The following SEPTIN9 variants were observed in gnomAD, a reference collection of about 807,000 sequenced individuals.
The protein encoded by SEPTIN9 is septin 9, also known as septin-9.
SEPTIN9 carries 13 observed loss-of-function variants against 56.6 expected under a neutral mutation model. The observed-to-expected ratio is 0.23, with a 90% CI of 0.15 to 0.37. The LOEUF is 0.37. SEPTIN9 is among the 10% of genes least tolerant of loss of function. SEPTIN9 has a pLI of 1.00. For missense variants in SEPTIN9, 650 were observed against 823.1 expected, an observed-to-expected ratio of 0.79 and a Z score of 2.57; for synonymous variants, 332 against 334.1, an observed-to-expected ratio of 0.99 and a Z score of 0.07.
At position 77,498,526 on chromosome 17, in the gene SEPTIN9, G is replaced by T. The variant is rs373382274; in HGVS notation, c.1629G>T (p.Thr543=). 1.4e-6 allele frequency: 2 copies of T among 1,442,946 alleles called. No homozygotes were observed. Among genetic ancestry groups the T allele is most frequent in the Non-Finnish European group, 1.9e-6 (2 of 1,069,204 alleles). 89.4% of individuals were successfully genotyped at this position (1,442,946 alleles called of 1,614,324 possible). The part of the protein sequence containing the change: ...FAYLRDLLIR[T]HMQNIKDITS... ...CGCCCGCCCCCCACCCCCACAGGAC[G>T]CACATGCAGAACATCAAGGACATCA... The change falls in exon 12 of 12, where the codon ACG becomes ACT. Residue 543 remains threonine (T), a synonymous_variant. Transcript: ENST00000427177.
intron 6 of SEPTIN9, 58 bp from the exon 7 acceptor site, chr17:77,488,669 G>A (rs981902349): frequency 2.5e-6 from 4 of 1,608,762 alleles, no homozygotes; most frequent in Admixed American, 3.3e-5. Context: ...GGGAATGCAC[G>A]ACCTGCTTGG....
In SEPTIN9 at chr17:77,500,423, T is replaced by TG; in HGVS notation, c.*1766dup. ...GGGCAGCAGCATCCCAGCCTTGAGATGCTTCACTTTCCTTCTCTGTAACCA... is the reference window on the plus strand; with the variant it reads ...GGGCAGCAGCATCCCAGCCTTGAGATGGCTTCACTTTCCTTCTCTGTAACCA... On this transcript the variant is annotated 3_prime_UTR_variant, in exon 12 of 12. Coordinates refer to ENST00000427177, the MANE Select transcript of SEPTIN9 (RefSeq NM_001113491.2). 1 of 227,134 alleles carries TG rather than the reference T, an allele frequency of 4.4e-6. No homozygotes were observed. Among genetic ancestry groups the TG allele is most frequent in the Non-Finnish European group, 8.8e-6 (1 of 113,992 alleles). The allele number at this position is 227,134 out of a possible 1,614,324, so 14.1% of individuals were successfully genotyped here. A position where few individuals can be genotyped will look rare whatever the true frequency, so the allele number is the denominator to read the frequency against.
Position 77,437,196 on chromosome 17 carries a change from G to T in SEPTIN9, c.721+34493G>T, listed in dbSNP as rs977860197. Among the ~76,000 whole-genome samples, 2 of 152,212 alleles carry T rather than the reference G, an allele frequency of 1.3e-5. No homozygotes were observed. The highest frequency in any genetic ancestry group is 2.4e-5 in the African/African-American group (1 of 41,450). ...CTCCTCCTCACCCCACCCCAGTGGGGCCCTGCGAGGGAAAGAAGAATGCCC... is the reference window on the plus strand; with the variant it reads ...CTCCTCCTCACCCCACCCCAGTGGGTCCCTGCGAGGGAAAGAAGAATGCCC... On this transcript the variant is annotated intron_variant, in intron 3 of 11. Transcript: ENST00000427177. The surrounding 1 kb of genome is among the most constrained non-coding windows in gnomAD (Gnocchi z 5.3).
At position 77,290,814 on chromosome 17, in the gene SEPTIN9, C is replaced by CATAAATAAATAAATAA. The variant is rs71160222; in HGVS notation, c.19+9279_19+9294dup. Among the ~76,000 whole-genome samples the CATAAATAAATAAATAA allele has an allele frequency of 6.1e-4, 87 of 141,482 alleles. 1 individual carries two copies. Among genetic ancestry groups the CATAAATAAATAAATAA allele is most frequent in the African/African-American group, 1.2e-3 (45 of 37,532 alleles). 92.8% of individuals were successfully genotyped at this position (141,482 alleles called of 152,430 possible). A position where few individuals can be genotyped will look rare whatever the true frequency, so the allele number is the denominator to read the frequency against. ...TGGGCGACAGAGTGAGACCCTGTCTCATAAATAAATAAATAAATAAATAAA... is the reference window on the plus strand; with the variant it reads ...TGGGCGACAGAGTGAGACCCTGTCTCATAAATAAATAAATAAATAAATAAATAAATAAATAAATAAA... On this transcript the variant is annotated intron_variant, in intron 1 of 11. Transcript: ENST00000427177.
chr17:77,294,123 C>CAAAA (rs1395523122), intron 1 of SEPTIN9, among the ~76,000 whole-genome samples: 1 of 121,094 alleles, frequency 8.3e-6, no homozygotes, highest in African/African-American at 3.0e-5. Context: ...AAAAAAACAA[C>CAAAA]AAAAAAAAAC....
chr17:77,287,108 C>T (rs889191666), intron 1 of SEPTIN9, among the ~76,000 whole-genome samples: 1 of 152,234 alleles, frequency 6.6e-6, no homozygotes, highest in South Asian at 2.1e-4. Context: ...CGGGAGAGTC[C>T]TTAGCCAGGC....
rs959430656 is a variant in SEPTIN9 at position 77,313,262 on chromosome 17, A to G, written c.76+6065A>G. On this transcript the variant is annotated intron_variant, in intron 2 of 11. Coordinates refer to ENST00000427177, the MANE Select transcript of SEPTIN9 (RefSeq NM_001113491.2). This position sits in a 1 kb window ranked among gnomAD's most constrained non-coding sequence, Gnocchi z 4.5. ...CGCCAGCTCCAGCTCCTGTCAGGCT[A>G]CAGCCCAGATGGTTGGCTGAGCACG... Among the ~76,000 whole-genome samples the G allele has an allele frequency of 2.0e-5, 3 of 152,214 alleles. No homozygotes were observed. Among genetic ancestry groups the G allele is most frequent in the Non-Finnish European group, 4.4e-5 (3 of 68,032 alleles).
chr17:77,482,706 C>A (rs1442259144), intron 4 of SEPTIN9: 1 of 584,158 alleles, frequency 1.7e-6, no homozygotes, highest in African/African-American at 2.1e-5. Flanking sequence ...TCCAGGCTCC[C>A]CACCGCACCC....
At position 77,371,633 on chromosome 17, in the gene SEPTIN9, T is replaced by C. The variant is rs142659477; in HGVS notation, c.77-30426T>C. Among the ~76,000 whole-genome samples, 1 of 152,214 alleles carries C rather than the reference T, an allele frequency of 6.6e-6. No individual in the cohort carries two copies. The highest frequency in any genetic ancestry group is 1.9e-4 in the East Asian group (1 of 5,164). On this transcript the variant is annotated intron_variant, in intron 2 of 11. Transcript: ENST00000427177. This position sits in a 1 kb window ranked among gnomAD's most constrained non-coding sequence, Gnocchi z 4.1. Reference sequence around the variant, plus strand: ...AGGTGGCCCAGTAGGGGCTGGACTATCCGATAGGCCCAGGTGCTGGAGTTC... The same window carrying C: ...AGGTGGCCCAGTAGGGGCTGGACTACCCGATAGGCCCAGGTGCTGGAGTTC...
rs776183384 is a variant in SEPTIN9 at position 77,318,442 on chromosome 17, C to G, written c.76+11245C>G. On this transcript the variant is annotated intron_variant, in intron 2 of 11. Coordinates refer to ENST00000427177, the MANE Select transcript of SEPTIN9 (RefSeq NM_001113491.2). The surrounding 1 kb of genome is among the most constrained non-coding windows in gnomAD (Gnocchi z 4.9). ...CAACTGAATCACAGATGCAAAAACT[C>G]TTGTTCCAAACAAGGTCCCATTTGC... Among the ~76,000 whole-genome samples, 38 of 152,080 alleles carry G rather than the reference C, an allele frequency of 2.5e-4. No individual in the cohort carries two copies. Among genetic ancestry groups the G allele is most frequent in the Admixed American group, 5.2e-4 (8 of 15,258 alleles).
chr17:77,365,322 TTC>T (rs898952121), intron 2 of SEPTIN9, among the ~76,000 whole-genome samples: 1 of 152,028 alleles, frequency 6.6e-6, no homozygotes, highest in African/African-American at 2.4e-5. Flanking sequence ...TTCTCTCTCT[TTC>T]TCTCTTTCTT....
chr17:77,462,579 C>T lies in SEPTIN9; in HGVS notation c.722-19565C>T, dbSNP rs376898380. The stretch of plus-strand genomic sequence containing the variant: ...GGTTACAGGTGTGAGCCACTGTGCC[C>T]GGCCTAGGCCTGAACAGTTTTTATT... On this transcript the variant is annotated intron_variant, in intron 3 of 11. Transcript: ENST00000427177. 9.5e-4 allele frequency among the ~76,000 whole-genome samples: 144 copies of T among 152,108 alleles called. 3 individuals carry two copies. In the South Asian group the frequency reaches 0.027, roughly 28 times the overall value.
chr17:77,496,577 C>A (rs2040268957), intron 10 of SEPTIN9, among the ~76,000 whole-genome samples: 3 of 152,356 alleles, frequency 2.0e-5, no homozygotes, highest in Non-Finnish European at 1.5e-5. Flanking sequence ...AATAAAATGA[C>A]CACTCTGAGA....
intron 1 of SEPTIN9, among the ~76,000 whole-genome samples, chr17:77,303,707 T>C (rs1032816139): frequency 6.6e-6 from 1 of 151,866 alleles, no homozygotes; most frequent in Non-Finnish European, 1.5e-5. Context: ...ATAATAATAA[T>C]AATAATATCA....
In SEPTIN9 at chr17:77,451,887, G is replaced by A. The variant is rs575868694; in HGVS notation, c.722-30257G>A. Among the ~76,000 whole-genome samples, 8 of 152,354 alleles carry A rather than the reference G, an allele frequency of 5.3e-5. No homozygotes were observed. The East Asian group carries it at 1.3e-3, about 26-fold the overall frequency. Reference sequence around the variant, plus strand: ...TCGCAAGGGGTTTCCCTGGCTTCCAGGAGGGCCAGGAAGAAATTCGAATTG... The same window carrying A: ...TCGCAAGGGGTTTCCCTGGCTTCCAAGAGGGCCAGGAAGAAATTCGAATTG... On this transcript the variant is annotated intron_variant, in intron 3 of 11. Transcript: ENST00000427177. This position sits in a 1 kb window ranked among gnomAD's most constrained non-coding sequence, Gnocchi z 4.2.
chr17:77,357,989 A>G (rs1319850426), intron 2 of SEPTIN9, among the ~76,000 whole-genome samples: 2 of 152,256 alleles, frequency 1.3e-5, no homozygotes, highest in Non-Finnish European at 2.9e-5. Context: ...TATGTTATAA[A>G]TAATGAGGGC....
chr17:77,460,418 G>A (rs312842), intron 3 of SEPTIN9, among the ~76,000 whole-genome samples: 14,947 of 152,192 alleles, frequency 0.098, 1,832 homozygotes, highest in African/African-American at 0.28. Context: ...TGGGGACCCA[G>A]CTGCTGAAGT....
intron 3 of SEPTIN9, chr17:77,442,125 G>GT (rs2037568221): frequency 6.6e-6 from 1 of 152,224 alleles, no homozygotes; most frequent in African/African-American, 2.4e-5. Context: ...TCCGAAGGTA[G>GT]TGAGTTATCT....
Position 77,476,608 on chromosome 17 carries a change from T to G in SEPTIN9, c.722-5536T>G, listed in dbSNP as rs541067410. Among the ~76,000 whole-genome samples, 1 of 152,318 alleles carries G rather than the reference T, an allele frequency of 6.6e-6. No homozygotes were observed. Among genetic ancestry groups the G allele is most frequent in the East Asian group, 1.9e-4 (1 of 5,192 alleles). On this transcript the variant is annotated intron_variant, in intron 3 of 11. Coordinates refer to ENST00000427177, the MANE Select transcript of SEPTIN9 (RefSeq NM_001113491.2). The surrounding 1 kb of genome is among the most constrained non-coding windows in gnomAD (Gnocchi z 6.0). ...AGCTGGTCCCCAGGATGAGCAGATT[T>G]GGGGGCAGTCCCCATCACGGGACCG...
Sources: gnomAD v4.1 joint callset for allele counts (sites outside exome capture counted in the v4.1 genomes callset) on GRCh38, gnomAD v4.1.1 for gene constraint, Gnocchi (gnomAD v3.1) non-coding constraint, MANE v1.5 for transcripts, NCBI Gene and HGNC (gene_info 2026-07-23, HGNC 2026-07-21) for gene names.